Variants in TWIST2 observed in about 807,000 individuals in gnomAD.
The protein encoded by TWIST2 is twist-related protein 2.
TWIST2 carries 1 observed loss-of-function variant against 11.6 expected under a neutral mutation model. The observed-to-expected ratio is 0.09, with a 90% CI of 0.03 to 0.41. The LOEUF (loss-of-function observed/expected upper bound fraction) is 0.41, where lower values mean the gene tolerates loss of function less well. Among genes scored for constraint, TWIST2 ranks in the 10% least tolerant of loss-of-function variants. The pLI, the probability that TWIST2 is intolerant of heterozygous loss-of-function variation, is 0.98. For synonymous variants in TWIST2, 87 were observed against 96.6 expected, an observed-to-expected ratio of 0.90 and a Z score of 0.58; for missense variants, 168 against 226.4, an observed-to-expected ratio of 0.74 and a Z score of 1.66.
intron 1 of TWIST2, among the ~76,000 whole-genome samples, chr2:238,894,007 C>A (rs1693179111): frequency 6.6e-6 from 1 of 152,256 alleles, no homozygotes; most frequent in Non-Finnish European, 1.5e-5. Flanking sequence ...CTCCGCTTGC[C>A]CCTAAATATC....
chr2:238,892,177 G>A (rs1164962774), intron 1 of TWIST2, among the ~76,000 whole-genome samples: 1 of 104,788 alleles, frequency 9.5e-6, no homozygotes, highest in African/African-American at 2.8e-5. Context: ...CCTTCCCCAG[G>A]ACTCAGCGGG....
rs1692570298 is a variant in TWIST2 at position 238,867,826 on chromosome 2, C to G, written c.*35+19093C>G. Among the ~76,000 whole-genome samples the G allele has an allele frequency of 6.6e-6, 1 of 152,086 alleles. No individual in the cohort carries two copies. The highest frequency in any genetic ancestry group is 2.1e-4 in the South Asian group (1 of 4,828). ...CCGTTCCCAGAGCTGAGGGGCATCC[C>G]TCGAAGGCGGGAGGGAGAGAAGTGG... On this transcript the variant is annotated intron_variant, in intron 1 of 1. Transcript: ENST00000612363. The surrounding 1 kb of genome is among the most constrained non-coding windows in gnomAD (Gnocchi z 4.8).
At chr2:238,909,300 T>C (rs1693413874) in intron 1 of TWIST2, among the ~76,000 whole-genome samples, 1 of 151,936 alleles carries the variant, frequency 6.6e-6, no homozygotes, top group East Asian at 1.9e-4. Flanking sequence ...ACTTCCCGTG[T>C]GTCTGCAATT....
intron 1 of TWIST2, among the ~76,000 whole-genome samples, chr2:238,898,213 G>A (rs1693227776): frequency 1.3e-5 from 2 of 152,346 alleles, no homozygotes; most frequent in South Asian, 4.1e-4. Flanking sequence ...GGAGCATGTT[G>A]CCTCTAACCA....
chr2:238,897,929 G>A (rs2106371910), intron 1 of TWIST2, among the ~76,000 whole-genome samples: 1 of 152,364 alleles, frequency 6.6e-6, no homozygotes, highest in East Asian at 1.9e-4. Flanking sequence ...GGGGCCTGCT[G>A]CTGGCACCCT....
intron 1 of TWIST2, among the ~76,000 whole-genome samples, chr2:238,868,809 G>A (rs1036259989): frequency 6.6e-5 from 10 of 152,360 alleles, no homozygotes; most frequent in South Asian, 2.1e-4. Context: ...ACAAGCCCAC[G>A]GCTCAGCAAG....
At chr2:238,896,638 A>T (rs1168378677) in intron 1 of TWIST2, among the ~76,000 whole-genome samples, 1 of 152,164 alleles carries the variant, frequency 6.6e-6, no homozygotes, top group Non-Finnish European at 1.5e-5. Flanking sequence ...ACCAGCAGAC[A>T]CCCATCAATC....
intron 1 of TWIST2, among the ~76,000 whole-genome samples, chr2:238,906,859 C>T (rs1559285751): frequency 6.6e-6 from 1 of 152,238 alleles, no homozygotes; most frequent in East Asian, 1.9e-4. Context: ...AGCCGCTCTG[C>T]GGGAGGAGGG....
At chr2:238,899,343 C>T (rs1451080249) in intron 1 of TWIST2, among the ~76,000 whole-genome samples, 1 of 152,276 alleles carries the variant, frequency 6.6e-6, no homozygotes, top group Non-Finnish European at 1.5e-5. Context: ...CTCCTGTTCT[C>T]ATGGCGACAT....
chr2:238,890,126 T>G (rs1693105964), intron 1 of TWIST2, among the ~76,000 whole-genome samples: 1 of 152,182 alleles, frequency 6.6e-6, no homozygotes, highest in Non-Finnish European at 1.5e-5. Context: ...CCTGGGGCAG[T>G]GGAGCATCCG....
chr2:238,891,108 T>A (rs1259254591), intron 1 of TWIST2, among the ~76,000 whole-genome samples: 2 of 152,244 alleles, frequency 1.3e-5, no homozygotes, highest in Admixed American at 6.5e-5. Flanking sequence ...TTGTGGATCA[T>A]GACATTCGCA....
intron 1 of TWIST2, among the ~76,000 whole-genome samples, chr2:238,875,863 G>A (rs532373794): frequency 1.3e-5 from 2 of 152,352 alleles, no homozygotes; most frequent in East Asian, 3.9e-4. Context: ...TCTGTCCCGA[G>A]TGAAAGTTTA....
In TWIST2 at chr2:238,884,426, T is replaced by C. The variant is rs562196635; in HGVS notation, c.*36-25416T>C. Among the ~76,000 whole-genome samples the C allele has an allele frequency of 2.6e-5, 4 of 152,380 alleles. No individual in the cohort carries two copies. In the South Asian group the frequency reaches 8.3e-4, roughly 32 times the overall value. ...GTGGCTTCATGCCATGGGCATGTTC[T>C]GAATCTAGGGCTCTTCTCCGTGTAG... On this transcript the variant is annotated intron_variant, in intron 1 of 1. Coordinates refer to ENST00000612363, the MANE Select transcript of TWIST2 (RefSeq NM_001271893.4).
intron 1 of TWIST2, among the ~76,000 whole-genome samples, chr2:238,883,240 C>G (rs1692969243): frequency 6.6e-6 from 1 of 152,196 alleles, no homozygotes. Flanking sequence ...GGTTCCTCCC[C>G]CCAGGCAGTC....
intron 1 of TWIST2, among the ~76,000 whole-genome samples, chr2:238,899,226 T>G (rs1178231237): frequency 6.6e-6 from 1 of 152,258 alleles, no homozygotes; most frequent in Non-Finnish European, 1.5e-5. Flanking sequence ...CTCTCTGCTT[T>G]CTTCATTGTA....
chr2:238,871,670 ACC>A (rs377577114), intron 1 of TWIST2, among the ~76,000 whole-genome samples: 9 of 82,962 alleles, frequency 1.1e-4, no homozygotes, highest in East Asian at 4.0e-4. Flanking sequence ...ACACACCATC[ACC>A]CCCCCCCAAC....
At chr2:238,853,402 A>G (rs1692274987) in intron 1 of TWIST2, among the ~76,000 whole-genome samples, 2 of 147,138 alleles carry the variant, frequency 1.4e-5, no homozygotes, top group Non-Finnish European at 3.0e-5. Flanking sequence ...AGAGAGAGAG[A>G]GGGAGAGAGG....
rs1184493410 is a variant in TWIST2, at chr2:238,864,456, CA to C, written c.*35+15724del. ...TTTGTCCTCTGGCTGTGCAAATAAA[CA>C]GAGCAGGAAGGTTTGAATGGGCCAG... On this transcript the variant is annotated intron_variant, in intron 1 of 1. Coordinates refer to ENST00000612363, the MANE Select transcript of TWIST2 (RefSeq NM_001271893.4). The surrounding 1 kb of genome is among the most constrained non-coding windows in gnomAD (Gnocchi z 4.7). Among the ~76,000 whole-genome samples the C allele has an allele frequency of 6.6e-6, 1 of 152,064 alleles. No homozygotes were observed. Among genetic ancestry groups the C allele is most frequent in the African/African-American group, 2.4e-5 (1 of 41,404 alleles).
At chr2:238,882,397 A>G (rs1335921623) in intron 1 of TWIST2, among the ~76,000 whole-genome samples, 1 of 152,204 alleles carries the variant, frequency 6.6e-6, no homozygotes, top group Admixed American at 6.5e-5. Flanking sequence ...ACAGATCAGT[A>G]CTTTTTTCCA....
Sources: gnomAD v4.1 joint callset for allele counts (sites outside exome capture counted in the v4.1 genomes callset) on GRCh38, gnomAD v4.1.1 for gene constraint, Gnocchi (gnomAD v3.1) non-coding constraint, MANE v1.5 for transcripts, NCBI Gene and HGNC (gene_info 2026-07-23, HGNC 2026-07-21) for gene names.